TRPM3: variants seen among roughly 807,000 people sequenced by gnomAD.
TRPM3 encodes the protein transient receptor potential cation channel subfamily M member 3, also known as long transient receptor potential channel 3.
In TRPM3, 77 loss-of-function variants were observed where a neutral mutation model predicts 181.2. The observed-to-expected ratio is 0.42, with a 90% CI of 0.35 to 0.51. The LOEUF is 0.51. Ranked by LOEUF, TRPM3 falls within the 20% of genes least tolerant of loss-of-function variation. The probability of loss-of-function intolerance (pLI) is 0.01; values close to 1 mark genes in which losing one functional copy is unlikely to be tolerated. For missense variants in TRPM3, 1,759 were observed against 2,196.7 expected, an observed-to-expected ratio of 0.80 and a Z score of 3.98; for synonymous variants, 745 against 796.4, an observed-to-expected ratio of 0.94 and a Z score of 1.09.
At chr9:71,282,199 TGAAAGAAAGAAAGAAAG>T (rs1357945844) in intron 1 of TRPM3, among the ~76,000 whole-genome samples, 338 of 14,184 alleles carry the variant, frequency 0.024, 73 homozygotes, top group African/African-American at 0.11. Context: ...AAAGAAAGAA[TGAAAGAAAGAAAGAAAG>T]GAAAGAAAGA....
chr9:71,190,948 C>T (rs1424950879), intron 1 of TRPM3, among the ~76,000 whole-genome samples: 1 of 151,872 alleles, frequency 6.6e-6, no homozygotes, highest in Non-Finnish European at 1.5e-5. Flanking sequence ...TAGACATAAG[C>T]TTCAATCCAA....
chr9:71,345,462 C>T (rs538048947), intron 1 of TRPM3, among the ~76,000 whole-genome samples: 1 of 152,136 alleles, frequency 6.6e-6, no homozygotes, highest in Non-Finnish European at 1.5e-5. Flanking sequence ...AAGCTGGAAA[C>T]CATCATTCTC....
chr9:70,692,419 G>A (rs62543302), intron 8 of TRPM3, among the ~76,000 whole-genome samples: 8,350 of 152,172 alleles, frequency 0.055, 274 homozygotes, highest in South Asian at 0.12. Context: ...AAATTGCCTC[G>A]TAGCTAGAAA....
At chr9:71,208,457 C>T (rs1027505249) in intron 1 of TRPM3, among the ~76,000 whole-genome samples, 1 of 152,084 alleles carries the variant, frequency 6.6e-6, no homozygotes, top group Non-Finnish European at 1.5e-5. Flanking sequence ...GAAAATATTC[C>T]TGCAGTGGAA....
intron 1 of TRPM3, among the ~76,000 whole-genome samples, chr9:70,895,491 A>G (rs1463974890): frequency 6.6e-6 from 1 of 152,206 alleles, no homozygotes; most frequent in Admixed American, 6.5e-5. Flanking sequence ...TGTCTAATAC[A>G]ATGAACCAAT....
intron 19 of TRPM3, among the ~76,000 whole-genome samples, chr9:70,610,210 T>C (rs1023185721): frequency 1.1e-4 from 17 of 152,158 alleles, no homozygotes; most frequent in African/African-American, 3.9e-4. Flanking sequence ...CTCCACACTC[T>C]CCTCACTCCT....
At chr9:71,109,879 A>T (rs777452621) in intron 1 of TRPM3, among the ~76,000 whole-genome samples, 3 of 152,186 alleles carry the variant, frequency 2.0e-5, no homozygotes, top group Non-Finnish European at 4.4e-5. Context: ...CAGCGTTGCT[A>T]TGAAGCTCAT....
chr9:70,553,006 C>T lies in TRPM3; in HGVS notation c.3412G>A (p.Val1138Ile). 1 of 1,614,190 alleles carries T rather than the reference C, an allele frequency of 6.2e-7. No individual in the cohort carries two copies. Among genetic ancestry groups the T allele is most frequent in the Non-Finnish European group, 8.5e-7 (1 of 1,180,036 alleles). ...AGCTGATACCTCTGAAACTTCCAGA[C>T]TTGGTTGGATATCGATTTTACTTCA... is the stretch of plus-strand genomic sequence containing the variant. Reference protein sequence around the residue: ...FFEVKSISNQVWKFQRYQLIM... With the variant: ...FFEVKSISNQIWKFQRYQLIM... The change falls in exon 24 of 26, where the codon GTC becomes ATC. Residue 1138 changes from valine to isoleucine, a missense_variant. Physicochemically the swap from Val to Ile is conservative, Grantham distance 29. Coordinates refer to ENST00000677713, the MANE Select transcript of TRPM3 (RefSeq NM_001366145.2).
At chr9:71,088,251 G>C (rs149867519) in intron 1 of TRPM3, among the ~76,000 whole-genome samples, 3 of 152,062 alleles carry the variant, frequency 2.0e-5, no homozygotes, top group Admixed American at 6.6e-5. Context: ...GATTATACCC[G>C]AAACGAGAAA....
chr9:71,145,578 G>C (rs2075359709), intron 1 of TRPM3, among the ~76,000 whole-genome samples: 1 of 152,026 alleles, frequency 6.6e-6, no homozygotes, highest in Admixed American at 6.6e-5. Context: ...ATAATATGAG[G>C]AATGGACAAA....
chr9:70,798,756 T>C (rs932924596), intron 6 of TRPM3, among the ~76,000 whole-genome samples: 1 of 152,222 alleles, frequency 6.6e-6, no homozygotes, highest in Non-Finnish European at 1.5e-5. Flanking sequence ...ATTAAGGGGT[T>C]GCCTGTCATA....
At chr9:70,564,733 A>C (rs1223927575) in intron 22 of TRPM3, among the ~76,000 whole-genome samples, 2 of 152,140 alleles carry the variant, frequency 1.3e-5, no homozygotes, top group Non-Finnish European at 2.9e-5. Flanking sequence ...CACCACCTCC[A>C]AAGAAATAAT....
intron 1 of TRPM3, among the ~76,000 whole-genome samples, chr9:71,065,062 T>C (rs897284037): frequency 6.6e-6 from 1 of 152,170 alleles, no homozygotes; most frequent in Non-Finnish European, 1.5e-5. Flanking sequence ...CACTTTATTG[T>C]AGCTATGGGA....
chr9:70,547,329 C>T (rs1169904932), intron 25 of TRPM3, among the ~76,000 whole-genome samples: 1 of 151,934 alleles, frequency 6.6e-6, no homozygotes, highest in Non-Finnish European at 1.5e-5. Flanking sequence ...ACCCCTTTCT[C>T]TTGCTCAATC....
At chr9:71,117,719 A>G (rs1456313332) in intron 1 of TRPM3, among the ~76,000 whole-genome samples, 1 of 152,186 alleles carries the variant, frequency 6.6e-6, no homozygotes, top group Non-Finnish European at 1.5e-5. Flanking sequence ...GCTTAAAGTG[A>G]GCAAACTCAT....
At chr9:70,999,500 C>G (rs2097576664) in intron 1 of TRPM3, among the ~76,000 whole-genome samples, 1 of 152,104 alleles carries the variant, frequency 6.6e-6, no homozygotes, top group South Asian at 2.1e-4. Context: ...TTATGGAATA[C>G]AGAAGGGTAA....
At chr9:71,435,936 T>C (rs1374487202) in intron 1 of TRPM3, among the ~76,000 whole-genome samples, 3 of 152,208 alleles carry the variant, frequency 2.0e-5, no homozygotes, top group Non-Finnish European at 2.9e-5. Flanking sequence ...GATGTAACTT[T>C]ACTGCCTTTG....
chr9:71,109,344 C>A (rs759913989), intron 1 of TRPM3, among the ~76,000 whole-genome samples: 1 of 151,722 alleles, frequency 6.6e-6, no homozygotes, highest in Non-Finnish European at 1.5e-5. Flanking sequence ...TACAATAACT[C>A]CAAAGTGAAA....
intron 1 of TRPM3, among the ~76,000 whole-genome samples, chr9:70,876,622 T>C (rs1353579890): frequency 1.3e-5 from 2 of 151,944 alleles, no homozygotes; most frequent in African/African-American, 4.8e-5. Flanking sequence ...CATGACTTTT[T>C]TTCCTCCTCT....
Sources: gnomAD v4.1 joint callset for allele counts (sites outside exome capture counted in the v4.1 genomes callset) on GRCh38, gnomAD v4.1.1 for gene constraint, MANE v1.5 for transcripts, NCBI Gene and HGNC (gene_info 2026-07-23, HGNC 2026-07-21) for gene names.